Variants in KCNT2 observed in about 807,000 individuals in gnomAD.
KCNT2 encodes the protein potassium sodium-activated channel subfamily T member 2.
In KCNT2, 67 loss-of-function variants were observed where a neutral mutation model predicts 153.8. The observed-to-expected ratio is 0.44, with a 90% CI of 0.36 to 0.53. The LOEUF (loss-of-function observed/expected upper bound fraction) is 0.53, where lower values mean the gene tolerates loss of function less well. KCNT2 is among the 20% of genes least tolerant of loss of function. KCNT2 has a pLI of 0.00. For missense variants in KCNT2, 975 were observed against 1,354.8 expected, an observed-to-expected ratio of 0.72 and a Z score of 4.40; for synonymous variants, 500 against 458.8, an observed-to-expected ratio of 1.09 and a Z score of -1.15.
At chr1:196,258,173 A>T (rs766572908) in intron 26 of KCNT2, 21 bp downstream of exon 26, 1 of 1,610,696 alleles carries the variant, frequency 6.2e-7, no homozygotes, top group Non-Finnish European at 8.5e-7. Context: ...CCATATATAC[A>T]GTAGTTTTTA....
chr1:196,403,255 G>A (rs1671565309), intron 12 of KCNT2, among the ~76,000 whole-genome samples: 1 of 151,568 alleles, frequency 6.6e-6, no homozygotes, highest in Non-Finnish European at 1.5e-5. Context: ...ATCAATCCAA[G>A]AAAAGACATG....
At chr1:196,367,861 G>A (rs1668174944) in intron 14 of KCNT2, among the ~76,000 whole-genome samples, 1 of 152,146 alleles carries the variant, frequency 6.6e-6, no homozygotes, top group Non-Finnish European at 1.5e-5. Flanking sequence ...CTCATGGAAA[G>A]CCTTAAATAT....
At chr1:196,343,103 G>A (rs910302995) in intron 14 of KCNT2, 1 of 152,314 alleles carries the variant, frequency 6.6e-6, no homozygotes, top group South Asian at 2.1e-4. Flanking sequence ...CCAGCCTTCA[G>A]AACTGTAAGA....
chr1:196,436,377 C>G (rs1349632652), intron 8 of KCNT2, among the ~76,000 whole-genome samples: 1 of 151,438 alleles, frequency 6.6e-6, no homozygotes, highest in East Asian at 1.9e-4. Context: ...AGTGTGCCTT[C>G]AGGACAGGTA....
At chr1:196,412,439 T>C (rs953289822) in intron 12 of KCNT2, among the ~76,000 whole-genome samples, 17 of 151,734 alleles carry the variant, frequency 1.1e-4, no homozygotes, top group Admixed American at 1.1e-3. Flanking sequence ...TTTTTAAAAA[T>C]GGAAATAATG....
chr1:196,568,590 C>G (rs1422950117), intron 1 of KCNT2, among the ~76,000 whole-genome samples: 1 of 138,508 alleles, frequency 7.2e-6, no homozygotes, highest in Non-Finnish European at 1.6e-5. Context: ...GGCTAGACTC[C>G]GTCTCAAAAA....
At position 196,428,145 on chromosome 1, in the gene KCNT2, A is replaced by G; in HGVS notation, c.944T>C (p.Met315Thr). The G allele has an allele frequency of 3.7e-6, 6 of 1,612,780 alleles. No individual in the cohort carries two copies. The highest frequency in any genetic ancestry group is 2.2e-5 in the East Asian group (1 of 44,678). Residue 315 changes from methionine to threonine, a missense_variant, in exon 10 of 28, where the codon ATG (methionine) becomes ACG (threonine). Transcript: ENST00000294725. ...CVSSLKIDLL[M>T]DFLNEFYAHP... ...AGCATAGAATTCATTTAAAAAATCC[A>G]TAAGTAAATCAATCTTCAGTGAGCT...
intron 14 of KCNT2, among the ~76,000 whole-genome samples, chr1:196,357,630 A>G (rs975528562): frequency 7.2e-5 from 11 of 151,814 alleles, no homozygotes; most frequent in Non-Finnish European, 1.2e-4. Flanking sequence ...GAATTGAGCT[A>G]AGGGAGGAAA....
chr1:196,351,272 T>G (rs1313721986), intron 14 of KCNT2, among the ~76,000 whole-genome samples: 2 of 152,182 alleles, frequency 1.3e-5, no homozygotes, highest in African/African-American at 4.8e-5. Flanking sequence ...GGGATGGCAT[T>G]GAATCTATAA....
rs1653567265 is a variant in KCNT2 at position 196,227,372 on chromosome 1, T to C, written c.*852A>G. On this transcript the variant is annotated 3_prime_UTR_variant, in exon 28 of 28. Transcript: ENST00000294725. ...GTAAAGTTCAAGAGTCTAAGGACAA[T>C]CATTACTGTATATTTCAAGATATCC... 1 of 152,046 alleles carries C rather than the reference T, an allele frequency of 6.6e-6. No homozygotes were observed. Among genetic ancestry groups the C allele is most frequent in the Non-Finnish European group, 1.5e-5 (1 of 67,910 alleles). The allele number at this position is 152,046 out of a possible 1,614,324, so 9.4% of individuals were successfully genotyped here. A position where few individuals can be genotyped will look rare whatever the true frequency, so the allele number is the denominator to read the frequency against.
chr1:196,329,325 C>G (rs548385339), intron 18 of KCNT2, among the ~76,000 whole-genome samples: 36 of 152,048 alleles, frequency 2.4e-4, no homozygotes, highest in Non-Finnish European at 4.3e-4. Context: ...CCAGGTATCA[C>G]TAGACAATCA....
At chr1:196,281,120 C>A (rs965726241) in intron 24 of KCNT2, 132 bp from the exon 25 acceptor site, 8 of 664,364 alleles carry the variant, frequency 1.2e-5, no homozygotes. Flanking sequence ...TACAGTGCAA[C>A]GGTGCAACCA....
chr1:196,255,979 A>T (rs1467657667), intron 26 of KCNT2, among the ~76,000 whole-genome samples: 1 of 151,962 alleles, frequency 6.6e-6, no homozygotes, highest in Non-Finnish European at 1.5e-5. Context: ...CACTCTGGGC[A>T]AGGCATTTAA....
intron 17 of KCNT2, among the ~76,000 whole-genome samples, chr1:196,333,125 T>A (rs2148113541): frequency 6.6e-6 from 1 of 151,596 alleles, no homozygotes; most frequent in East Asian, 2.0e-4. Context: ...TTTGTTTAAT[T>A]AAAGTCACTT....
At chr1:196,457,077 GT>G (rs1466619133) in intron 8 of KCNT2, among the ~76,000 whole-genome samples, 1 of 151,740 alleles carries the variant, frequency 6.6e-6, no homozygotes, top group African/African-American at 2.4e-5. Flanking sequence ...CCCAAACTTT[GT>G]ATTCCATATT....
intron 25 of KCNT2, among the ~76,000 whole-genome samples, chr1:196,280,578 A>G (rs920446945): frequency 6.6e-5 from 10 of 152,094 alleles, no homozygotes; most frequent in African/African-American, 2.4e-4. Context: ...CTTCCTGATA[A>G]TCTTCCAAAA....
intron 22 of KCNT2, among the ~76,000 whole-genome samples, chr1:196,296,085 A>G (rs1334387264): frequency 1.3e-5 from 2 of 152,168 alleles, no homozygotes; most frequent in Middle Eastern, 3.4e-3. Flanking sequence ...ATTGCATTCA[A>G]TAATGGGTCC....
chr1:196,429,504 T>G, intron 9 of KCNT2, 73 bp downstream of exon 9: 1 of 981,790 alleles, frequency 1.0e-6, no homozygotes, highest in South Asian at 2.3e-5. Context: ...CACTTTCCAT[T>G]TCTTATTAAA....
intron 13 of KCNT2, 123 bp downstream of exon 13, chr1:196,398,440 A>G (rs1205984757): frequency 1.8e-6 from 1 of 553,320 alleles, no homozygotes; most frequent in Non-Finnish European, 3.3e-6. Flanking sequence ...AGTTTTAATA[A>G]TCATTTTCAG....
Sources: allele counts gnomAD v4.1 joint callset (sites outside exome capture counted in the v4.1 genomes callset), GRCh38; gene constraint gnomAD v4.1.1; transcripts MANE v1.5; gene names NCBI Gene and HGNC (gene_info 2026-07-23, HGNC 2026-07-21).